The following KCNQ1 variants were observed in gnomAD, a reference collection of about 807,000 sequenced individuals.
The protein encoded by KCNQ1 is potassium voltage-gated channel subfamily KQT member 1.
In KCNQ1, 49 loss-of-function variants were observed where a neutral mutation model predicts 72.4. That is an observed-to-expected ratio of 0.68 (90% CI 0.54 to 0.86). The LOEUF is 0.86. Ranked by LOEUF, KCNQ1 falls within the 40% of genes least tolerant of loss-of-function variation. The pLI is 0.00. For missense variants in KCNQ1, 790 were observed against 945.1 expected, an observed-to-expected ratio of 0.84 and a Z score of 2.15; for synonymous variants, 450 against 412.6, an observed-to-expected ratio of 1.09 and a Z score of -1.10.
Position 2,674,465 on chromosome 11 carries a change from G to C in KCNQ1, c.1514+12384G>C, listed in dbSNP as rs1590023673. ...GGGGAGGCACGTGGGGAGGAGGGCT[G>C]CCTGTCGAGATGTGTAAGATGGCCC... is the stretch of plus-strand genomic sequence containing the variant. On this transcript the variant is annotated intron_variant, in intron 11 of 15. Transcript: ENST00000155840. The surrounding 1 kb of genome is among the most constrained non-coding windows in gnomAD (Gnocchi z 5.9). 6 of 398,692 alleles carry C rather than the reference G, an allele frequency of 1.5e-5. No homozygotes were observed. In the Admixed American group the frequency reaches 2.2e-4, roughly 15 times the overall value. The allele number at this position is 398,692 out of a possible 1,614,324, so 24.7% of individuals were successfully genotyped here.
rs540644673 is a variant in KCNQ1, at chr11:2,658,223, C to T, written c.1394-3738C>T. On this transcript the variant is annotated intron_variant, in intron 10 of 15. Transcript: ENST00000155840. The surrounding 1 kb of genome is among the most constrained non-coding windows in gnomAD (Gnocchi z 4.9). Reference sequence around the variant, plus strand: ...CTAATTTCAGCATTCATTCATGGATCGTTTTCCTGCAGCAAATATTACCGT... The same window carrying T: ...CTAATTTCAGCATTCATTCATGGATTGTTTTCCTGCAGCAAATATTACCGT... The T allele has an allele frequency of 1.8e-5, 7 of 398,544 alleles. No individual in the cohort carries two copies. The highest frequency in any genetic ancestry group is 1.3e-4 in the South Asian group (1 of 7,826). The allele number at this position is 398,544 out of a possible 1,614,324, so 24.7% of individuals were successfully genotyped here. A position where few individuals can be genotyped will look rare whatever the true frequency, so the allele number is the denominator to read the frequency against.
chr11:2,457,814 GAAA>G lies in KCNQ1; in HGVS notation c.386+12342_386+12344del, dbSNP rs112398913. Among the ~76,000 whole-genome samples the G allele has an allele frequency of 6.3e-5, 8 of 126,190 alleles. No individual in the cohort carries two copies. The highest frequency in any genetic ancestry group is 1.5e-4 in the African/African-American group (5 of 34,240). 82.8% of individuals were successfully genotyped at this position (126,190 alleles called of 152,430 possible). Reference sequence around the variant, plus strand: ...TAAAATGGAAACTTTTGGCATGGGAGAAAAAAAAAAAAAACAGATGTAAGTTAG... The same window carrying G: ...TAAAATGGAAACTTTTGGCATGGGAGAAAAAAAAAAACAGATGTAAGTTAG... On this transcript the variant is annotated intron_variant, in intron 1 of 15. Coordinates refer to ENST00000155840, the MANE Select transcript of KCNQ1 (RefSeq NM_000218.3). This position sits in a 1 kb window ranked among gnomAD's most constrained non-coding sequence, Gnocchi z 5.0.
Position 2,777,737 on chromosome 11 carries a change from T to C in KCNQ1, c.1733-239T>C, listed in dbSNP as rs1015493187. ...GGCAGCCCCCTAGGGCTCTCAGAGG[T>C]CAGAGGTGGAGAGCGTGGAGCAGGA... On this transcript the variant is annotated intron_variant, in intron 14 of 15. Coordinates refer to ENST00000155840, the MANE Select transcript of KCNQ1 (RefSeq NM_000218.3). 5 of 611,116 alleles carry C rather than the reference T, an allele frequency of 8.2e-6. No individual in the cohort carries two copies. In the African/African-American group the frequency reaches 9.3e-5, roughly 11 times the overall value. 37.9% of individuals were successfully genotyped at this position (611,116 alleles called of 1,614,324 possible).
intron 11 of KCNQ1, among the ~76,000 whole-genome samples, chr11:2,737,954 C>T (rs937676058): frequency 6.6e-6 from 1 of 152,026 alleles, no homozygotes; most frequent in Non-Finnish European, 1.5e-5. Flanking sequence ...GACACTGGGT[C>T]CTCTCAGCTT....
At chr11:2,800,344 G>A (rs558266471) in intron 15 of KCNQ1, among the ~76,000 whole-genome samples, 4 of 152,374 alleles carry the variant, frequency 2.6e-5, no homozygotes, top group Admixed American at 2.0e-4. Flanking sequence ...AGAGGCTATA[G>A]AGGAGGTTTC....
Position 2,661,704 on chromosome 11 carries a change from A to C in KCNQ1, c.1394-257A>C. 1 of 606,156 alleles carries C rather than the reference A, an allele frequency of 1.6e-6. No individual in the cohort carries two copies. The highest frequency in any genetic ancestry group is 2.9e-6 in the Non-Finnish European group (1 of 339,560). The allele number at this position is 606,156 out of a possible 1,614,324, so 37.5% of individuals were successfully genotyped here. On this transcript the variant is annotated intron_variant, in intron 10 of 15. Coordinates refer to ENST00000155840, the MANE Select transcript of KCNQ1 (RefSeq NM_000218.3). This position sits in a 1 kb window ranked among gnomAD's most constrained non-coding sequence, Gnocchi z 5.9. ...GGGAGAGTCTTGGACACCTGAGCAC[A>C]GCCCCAGGCACAGTTACCACTCCGA...
In KCNQ1 at chr11:2,593,813, C is replaced by T. The variant is rs1848701752; in HGVS notation, c.1393+4959C>T. 1.3e-5 allele frequency among the ~76,000 whole-genome samples: 2 copies of T among 152,164 alleles called. No homozygotes were observed. The highest frequency in any genetic ancestry group is 4.8e-5 in the African/African-American group (2 of 41,434). On this transcript the variant is annotated intron_variant, in intron 10 of 15. Transcript: ENST00000155840. This position sits in a 1 kb window ranked among gnomAD's most constrained non-coding sequence, Gnocchi z 6.9. ...ACCAAGCCTGGCCTTTCATGCACTCCTCCATTCAAAGCCGTGTGTTCTGAT... is the reference window on the plus strand; with the variant it reads ...ACCAAGCCTGGCCTTTCATGCACTCTTCCATTCAAAGCCGTGTGTTCTGAT...
At chr11:2,799,862 G>T (rs560187317) in intron 15 of KCNQ1, among the ~76,000 whole-genome samples, 2 of 152,188 alleles carry the variant, frequency 1.3e-5, no homozygotes, top group African/African-American at 4.8e-5. Flanking sequence ...AGCACAGAGG[G>T]TGTGTGTTTT....
chr11:2,838,597 G>A (rs2583416), intron 15 of KCNQ1, among the ~76,000 whole-genome samples: 132,505 of 152,020 alleles, frequency 0.87, 59,302 homozygotes, highest in Non-Finnish European at 0.97. Flanking sequence ...GGGCTGGTGC[G>A]CTCAGAGGTT....
At position 2,695,119 on chromosome 11, in the gene KCNQ1, T is replaced by C. The variant is rs1317843572; in HGVS notation, c.1514+33038T>C. On this transcript the variant is annotated intron_variant, in intron 11 of 15. Transcript: ENST00000155840. The surrounding 1 kb of genome is among the most constrained non-coding windows in gnomAD (Gnocchi z 5.2). ...TAGAGGGTATCTGGCAGGAGAGTCA[T>C]GGAGGCACATTCATTCGTTGGTTCT... The C allele has an allele frequency of 2.5e-6, 1 of 398,558 alleles. No homozygotes were observed. The highest frequency in any genetic ancestry group is 2.1e-5 in the African/African-American group (1 of 48,630). 24.7% of individuals were successfully genotyped at this position (398,558 alleles called of 1,614,324 possible).
At chr11:2,792,526 C>G (rs540617229) in intron 15 of KCNQ1, among the ~76,000 whole-genome samples, 65 of 152,344 alleles carry the variant, frequency 4.3e-4, no homozygotes, top group Middle Eastern at 3.4e-3. Context: ...CCAGGCCTTT[C>G]AAGAAGAGGT....
At chr11:2,616,128 T>A in intron 10 of KCNQ1, 1 of 398,116 alleles carries the variant, frequency 2.5e-6, no homozygotes, top group Non-Finnish European at 4.4e-6. Flanking sequence ...TATAATTTGT[T>A]GGTATACAGT....
chr11:2,572,309 G>T (rs1451852997), intron 5 of KCNQ1, among the ~76,000 whole-genome samples, 200 bp downstream of exon 5: 2 of 152,188 alleles, frequency 1.3e-5, no homozygotes, highest in Admixed American at 1.3e-4. Context: ...ACCCCAGCCT[G>T]GTGCCAGTGA....
chr11:2,630,935 C>A, intron 10 of KCNQ1: 1 of 398,458 alleles, frequency 2.5e-6, no homozygotes, highest in South Asian at 1.3e-4. Context: ...AGTTTTTGCT[C>A]AGAAATCCAC....
intron 10 of KCNQ1, chr11:2,650,846 G>A: frequency 5.0e-6 from 2 of 398,622 alleles, no homozygotes; most frequent in Non-Finnish European, 8.8e-6. Context: ...TGCTTTTAGG[G>A]GAGGATGAGT....
In KCNQ1 at chr11:2,716,002, T is replaced by C. The variant is rs534428868; in HGVS notation, c.1515-52842T>C. Among the ~76,000 whole-genome samples the C allele has an allele frequency of 1.4e-4, 21 of 152,266 alleles. No individual in the cohort carries two copies. In the East Asian group the frequency reaches 1.6e-3, roughly 11 times the overall value. The stretch of plus-strand genomic sequence containing the variant: ...CTGGCCTCTTGGTGAGGAATGGCCC[T>C]GGGAGAGGCTGCCCTGCCTTTGACC... On this transcript the variant is annotated intron_variant, in intron 11 of 15. Coordinates refer to ENST00000155840, the MANE Select transcript of KCNQ1 (RefSeq NM_000218.3).
In KCNQ1 at chr11:2,678,097, A is replaced by C. The variant is rs894594220; in HGVS notation, c.1514+16016A>C. ...TACCTTGTCTTACTGATTTGTAGAA[A>C]CTTGCTTTGTCATATTCATTGAAAA... On this transcript the variant is annotated intron_variant, in intron 11 of 15. Transcript: ENST00000155840. The surrounding 1 kb of genome is among the most constrained non-coding windows in gnomAD (Gnocchi z 4.9). 3.3e-5 allele frequency: 13 copies of C among 398,176 alleles called. No individual in the cohort carries two copies. Among genetic ancestry groups the C allele is most frequent in the African/African-American group, 2.7e-4 (13 of 48,570 alleles). 24.7% of individuals were successfully genotyped at this position (398,176 alleles called of 1,614,324 possible). A position where few individuals can be genotyped will look rare whatever the true frequency, so the allele number is the denominator to read the frequency against.
intron 14 of KCNQ1, 89 bp from the exon 15 acceptor site, chr11:2,777,887 C>T (rs1186396822): frequency 6.2e-6 from 7 of 1,123,578 alleles, no homozygotes; most frequent in African/African-American, 1.5e-5. Context: ...CTACCTCCCC[C>T]AGCCCTACCA....
chr11:2,546,849 T>A (rs1254178330), intron 2 of KCNQ1, among the ~76,000 whole-genome samples: 2 of 152,246 alleles, frequency 1.3e-5, no homozygotes, highest in African/African-American at 4.8e-5. Context: ...ATTATGAAAC[T>A]GCCTCTTTAT....
Sources: gnomAD v4.1 joint callset for allele counts (sites outside exome capture counted in the v4.1 genomes callset) on GRCh38, gnomAD v4.1.1 for gene constraint, Gnocchi (gnomAD v3.1) non-coding constraint, MANE v1.5 for transcripts, NCBI Gene and HGNC (gene_info 2026-07-23, HGNC 2026-07-21) for gene names.